MCCC2: variants seen among roughly 807,000 people sequenced by gnomAD.
MCCC2 encodes methylcrotonyl-CoA carboxylase subunit 2.
In MCCC2, 52 loss-of-function variants were observed where a neutral mutation model predicts 77.2. That is an observed-to-expected ratio of 0.67 (90% CI 0.54 to 0.85). The LOEUF is 0.85. MCCC2 is among the 40% of genes least tolerant of loss of function. The probability of loss-of-function intolerance (pLI) is 0.00; values close to 1 mark genes in which losing one functional copy is unlikely to be tolerated. For missense variants in MCCC2, 682 were observed against 703.2 expected (o/e 0.97, Z 0.34); for synonymous variants, 253 against 248.4 (o/e 1.02, Z -0.18).
chr5:71,595,170 G>A (rs1745134149), intron 2 of MCCC2, among the ~76,000 whole-genome samples: 1 of 152,112 alleles, frequency 6.6e-6, no homozygotes, highest in South Asian at 2.1e-4. Context: ...AAAGTGCTGG[G>A]ATTACAGGCA....
intron 16 of MCCC2, among the ~76,000 whole-genome samples, chr5:71,655,777 G>A (rs1050457751): frequency 2.6e-5 from 4 of 152,094 alleles, no homozygotes; most frequent in East Asian, 1.9e-4. Context: ...GTCATTTTTC[G>A]TTATACATTT....
At chr5:71,651,299 C>T (rs1580333315) in intron 15 of MCCC2, among the ~76,000 whole-genome samples, 1 of 152,204 alleles carries the variant, frequency 6.6e-6, no homozygotes, top group Admixed American at 6.5e-5. Flanking sequence ...ATAACATTAT[C>T]CTGTGTATAA....
At chr5:71,626,119 T>C (rs1373253446) in intron 6 of MCCC2, among the ~76,000 whole-genome samples, 1 of 152,134 alleles carries the variant, frequency 6.6e-6, no homozygotes, top group Admixed American at 6.5e-5. Context: ...TTCAATACAA[T>C]CGACTTTTCT....
chr5:71,605,428 T>G (rs1250811082), intron 6 of MCCC2, among the ~76,000 whole-genome samples: 1 of 152,110 alleles, frequency 6.6e-6, no homozygotes, highest in African/African-American at 2.4e-5. Flanking sequence ...TTGATGGGGT[T>G]GTTTGTTTTT....
At chr5:71,588,809 C>T (rs1026416008) in intron 1 of MCCC2, among the ~76,000 whole-genome samples, 39 of 152,152 alleles carry the variant, frequency 2.6e-4, no homozygotes, top group Middle Eastern at 3.4e-3. Flanking sequence ...GGTGTGAGGA[C>T]TTGAATTCCA....
intron 3 of MCCC2, among the ~76,000 whole-genome samples, chr5:71,597,367 T>C (rs761171589): frequency 2.0e-5 from 3 of 152,136 alleles, no homozygotes; most frequent in Non-Finnish European, 4.4e-5. Flanking sequence ...GGGGAGCTAT[T>C]GTAGGGTTTT....
chr5:71,598,420 A>AT, intron 3 of MCCC2, among the ~76,000 whole-genome samples: 2 of 151,312 alleles, frequency 1.3e-5, no homozygotes, highest in South Asian at 4.2e-4. Context: ...TTTGGAAAGG[A>AT]TTTTTATTTT....
At chr5:71,614,289 A>T (rs1023866677) in intron 6 of MCCC2, among the ~76,000 whole-genome samples, 12 of 152,142 alleles carry the variant, frequency 7.9e-5, no homozygotes, top group Non-Finnish European at 1.6e-4. Flanking sequence ...GTCATTTATG[A>T]TTTTAATACT....
intron 2 of MCCC2, among the ~76,000 whole-genome samples, chr5:71,595,985 G>A (rs1745170827): frequency 6.6e-6 from 1 of 152,142 alleles, no homozygotes. Flanking sequence ...TTTGCAATAT[G>A]TGAGCTGCAG....
Position 71,649,219 on chromosome 5 carries a change from G to A in MCCC2, c.1339G>A (p.Ala447Thr), listed in dbSNP as rs2112467935. 6.2e-7 allele frequency: 1 copy of A among 1,614,220 alleles called. No individual in the cohort carries two copies. Among genetic ancestry groups the A allele is most frequent in the Non-Finnish European group, 8.5e-7 (1 of 1,180,010 alleles). The change falls in exon 14 of 17, where the codon GCC becomes ACC. Residue 447 changes from alanine to threonine, a missense_variant. Physicochemically the swap from Ala to Thr is moderately conservative, Grantham distance 58. Transcript: ENST00000340941. The part of the protein sequence containing the change: ...ITLIIGGSYG[A>T]GNYGMCGRAY... ...CCTCATCATTGGGGGCTCCTATGGA[G>A]CCGGAAACTATGGGATGTGTGGCAG...
At chr5:71,644,711 T>C (rs922352598) in intron 12 of MCCC2, among the ~76,000 whole-genome samples, 3 of 152,108 alleles carry the variant, frequency 2.0e-5, no homozygotes, top group Non-Finnish European at 4.4e-5. Flanking sequence ...TCTCTTGAAA[T>C]AACAGGGTAA....
chr5:71,629,538 C>A (rs1746642589), intron 7 of MCCC2, among the ~76,000 whole-genome samples: 1 of 152,128 alleles, frequency 6.6e-6, no homozygotes, highest in Non-Finnish European at 1.5e-5. Flanking sequence ...GTCCAAGAAT[C>A]ATCTTTGGTT....
chr5:71,656,744 G>A lies in MCCC2; in HGVS notation c.1576G>A (p.Val526Ile). Residue 526 changes from valine (V) to isoleucine (I), a missense_variant and splice_region_variant, in exon 17 of 17, where the codon GTA (valine) becomes ATA (isoleucine). Transcript: ENST00000340941. ...EGNPYYSSARVWDDGIIDPAD... is the reference protein window; with the variant it reads ...EGNPYYSSARIWDDGIIDPAD... The stretch of plus-strand genomic sequence containing the variant: ...ACTCTTTTTTTGTTCTTTTGTCAGG[G>A]TATGGGATGATGGGATCATTGATCC... 6.2e-7 allele frequency: 1 copy of A among 1,612,174 alleles called. No homozygotes were observed.
At chr5:71,603,589 A>G (rs1416350107) in intron 5 of MCCC2, among the ~76,000 whole-genome samples, 2 of 152,006 alleles carry the variant, frequency 1.3e-5, no homozygotes, top group African/African-American at 4.8e-5. Context: ...CACAATACGA[A>G]CTGCTCTGCA....
intron 2 of MCCC2, among the ~76,000 whole-genome samples, chr5:71,594,561 A>G (rs918909512): frequency 8.0e-5 from 12 of 150,112 alleles, no homozygotes; most frequent in African/African-American, 2.9e-4. Context: ...GTTTGACTCA[A>G]TGGAGGGTTG....
chr5:71,632,324 A>C, intron 8 of MCCC2, 139 bp downstream of exon 8: 1 of 810,412 alleles, frequency 1.2e-6, no homozygotes, highest in Non-Finnish European at 2.1e-6. Flanking sequence ...CTGCTGGTTT[A>C]ATGTTCAATT....
intron 13 of MCCC2, among the ~76,000 whole-genome samples, chr5:71,647,968 T>A (rs1747317008): frequency 6.6e-6 from 1 of 152,088 alleles, no homozygotes. Flanking sequence ...GGTGAGAACT[T>A]GAAGACAGCT....
chr5:71,633,079 T>G (rs1746776090), intron 8 of MCCC2, among the ~76,000 whole-genome samples: 1 of 136,580 alleles, frequency 7.3e-6, no homozygotes, highest in Non-Finnish European at 1.5e-5. Context: ...GAGGAGGGTT[T>G]TTTTTTCAGT....
chr5:71,650,907 C>G (rs534956589), intron 15 of MCCC2, among the ~76,000 whole-genome samples: 1 of 152,276 alleles, frequency 6.6e-6, no homozygotes, highest in African/African-American at 2.4e-5. Context: ...CCTTGGCCTC[C>G]CAAAGTGCTG....
Sources: allele counts gnomAD v4.1 joint callset (sites outside exome capture counted in the v4.1 genomes callset), GRCh38; gene constraint gnomAD v4.1.1; transcripts MANE v1.5; gene names NCBI Gene and HGNC (gene_info 2026-07-23, HGNC 2026-07-21).